Variants in ATG2B observed in about 807,000 individuals in gnomAD.
ATG2B encodes autophagy related 2B, also known as autophagy-related protein 2 homolog B.
A neutral mutation model predicts 241.3 loss-of-function variants in ATG2B; 121 were observed. The ratio of observed to expected loss-of-function variants is 0.50; its 90% CI spans 0.43 to 0.58. The LOEUF (loss-of-function observed/expected upper bound fraction) is 0.58. Ranked by LOEUF, ATG2B falls within the 20% of genes least tolerant of loss-of-function variation. ATG2B has a pLI of 0.00. For missense variants in ATG2B, 2,306 were observed against 2,491.6 expected (o/e 0.93, Z 1.59); for synonymous variants, 858 against 876.6 (o/e 0.98, Z 0.37).
In ATG2B at chr14:96,308,235, TATATATATATATATATACAC is replaced by T. The variant is rs1887019811; in HGVS notation, c.4303+1198_4303+1217del. 1.4e-4 allele frequency among the ~76,000 whole-genome samples: 3 copies of T among 22,128 alleles called. No individual in the cohort carries two copies. In the East Asian group the frequency reaches 1.9e-3, roughly 14 times the overall value. 14.5% of individuals were successfully genotyped at this position (22,128 alleles called of 152,430 possible). On this transcript the variant is annotated intron_variant, in intron 29 of 41. Coordinates refer to ENST00000359933, the MANE Select transcript of ATG2B (RefSeq NM_018036.7). ...AAATACATAAATATATATATACATA[TATATATATATATATATACAC>T]ACATATATATATATATATATATATA...
intron 25 of ATG2B, 107 bp downstream of exon 25, chr14:96,312,958 A>C (rs1887201364): frequency 3.0e-6 from 2 of 662,826 alleles, no homozygotes; most frequent in Non-Finnish European, 4.9e-6. Flanking sequence ...TATTAGTAAA[A>C]GAACGTTTAA....
chr14:96,315,320 C>T, intron 22 of ATG2B, 64 bp downstream of exon 22: 3 of 1,586,630 alleles, frequency 1.9e-6, no homozygotes, highest in Non-Finnish European at 8.6e-7. Flanking sequence ...AATATGTTGC[C>T]TTTTATGTAA....
Position 96,317,154 on chromosome 14 carries a change from T to C in ATG2B, c.3201A>G (p.Thr1067=), listed in dbSNP as rs1566723331. 1.2e-6 allele frequency: 2 copies of C among 1,610,462 alleles called. No homozygotes were observed. Among genetic ancestry groups the C allele is most frequent in the Non-Finnish European group, 8.5e-7 (1 of 1,178,516 alleles). The change falls in exon 20 of 42, where the codon ACA becomes ACG. Residue 1067 remains threonine (T), a synonymous_variant. Transcript: ENST00000359933. ...GATTTGTAAACCTCACCTTCACATC[T>C]GTGAACACTGCTATTAATCCATGAT... ...NINHGLIAVF[T]DVKQDNGDLL...
intron 36 of ATG2B, among the ~76,000 whole-genome samples, chr14:96,292,675 T>C (rs1432921033): frequency 1.3e-5 from 2 of 152,348 alleles, no homozygotes; most frequent in Middle Eastern, 3.4e-3. Context: ...ATTGTTAAAA[T>C]GCCACCTACA....
Position 96,344,623 on chromosome 14 carries a change from G to A in ATG2B, c.581+31C>T, listed in dbSNP as rs774994256. On this transcript the variant is annotated intron_variant, in intron 4 of 41. Coordinates refer to ENST00000359933, the MANE Select transcript of ATG2B (RefSeq NM_018036.7). ...AATGTAATATCAGAGTTACAATAGG[G>A]TCATTTATTTTCAGACATAAGAATT... 75 of 1,250,818 alleles carry A rather than the reference G, an allele frequency of 6.0e-5. 3 individuals are homozygous for A. In the South Asian group the frequency reaches 9.2e-4, roughly 15 times the overall value. The allele number at this position is 1,250,818 out of a possible 1,614,324, so 77.5% of individuals were successfully genotyped here.
rs1888714090 is a variant in ATG2B, at chr14:96,362,923, C to T, written c.54G>A (p.Leu18=). 2 of 1,613,498 alleles carry T rather than the reference C, an allele frequency of 1.2e-6. No individual in the cohort carries two copies. The highest frequency in any genetic ancestry group is 2.7e-5 in the African/African-American group (2 of 74,940). Reference sequence around the variant, plus strand: ...GCAGAAAGTGGCCCAGGTACCTCTGCAGGAGGTACCGGCAGGCCCTCTTCT... The same window carrying T: ...GCAGAAAGTGGCCCAGGTACCTCTGTAGGAGGTACCGGCAGGCCCTCTTCT... The part of the protein sequence containing the change: ...SIKKRACRYL[L]QRYLGHFLQE... The change falls in exon 1 of 42, where the codon CTG becomes CTA. Residue 18 remains leucine, a synonymous_variant. Coordinates refer to ENST00000359933, the MANE Select transcript of ATG2B (RefSeq NM_018036.7).
chr14:96,283,044 A>T lies in ATG2B; in HGVS notation c.*2711T>A, dbSNP rs4900321. On this transcript the variant is annotated 3_prime_UTR_variant, in exon 42 of 42. Coordinates refer to ENST00000359933, the MANE Select transcript of ATG2B (RefSeq NM_018036.7). ...GAAACACTGAGTTATCTAAAAGGCA[A>T]TGTTCAGTGGTGGGCAGAAAGGAAG... The T allele has an allele frequency of 0.36, 54,494 of 152,114 alleles. 10,324 individuals are homozygous for T. The highest frequency in any genetic ancestry group is 0.42 in the Admixed American group (6,477 of 15,286). The allele number at this position is 152,114 out of a possible 1,614,324, so 9.4% of individuals were successfully genotyped here.
At chr14:96,314,323 G>A (rs1056122110) in intron 23 of ATG2B, among the ~76,000 whole-genome samples, 5 of 152,162 alleles carry the variant, frequency 3.3e-5, no homozygotes, top group African/African-American at 1.2e-4. Flanking sequence ...ATAAGGAAAA[G>A]CTAACTTCTT....
chr14:96,317,962 C>T (rs771653091), intron 18 of ATG2B, 107 bp from the exon 19 acceptor site: 176 of 771,078 alleles, frequency 2.3e-4, no homozygotes, highest in Non-Finnish European at 3.3e-4. Flanking sequence ...ATTTTTTAAA[C>T]GGCAAAATGG....
intron 21 of ATG2B, among the ~76,000 whole-genome samples, chr14:96,315,825 T>G (rs567312091): frequency 2.0e-5 from 3 of 152,246 alleles, no homozygotes; most frequent in Admixed American, 2.0e-4. Flanking sequence ...AATAGAAAAC[T>G]ATCACAAACA....
chr14:96,304,272 C>T (rs1886871534), intron 32 of ATG2B, among the ~76,000 whole-genome samples: 1 of 152,192 alleles, frequency 6.6e-6, no homozygotes, highest in South Asian at 2.1e-4. Flanking sequence ...TGAGAACCAC[C>T]GCTCTAGCGG....
intron 8 of ATG2B, among the ~76,000 whole-genome samples, chr14:96,333,188 CAT>C (rs1221601116): frequency 2.0e-5 from 3 of 151,856 alleles, no homozygotes; most frequent in Admixed American, 2.0e-4. Flanking sequence ...TAAATTGATC[CAT>C]ATTATTTATG....
Position 96,304,615 on chromosome 14 carries a change from CA to C in ATG2B, c.4734-13del, listed in dbSNP as rs34674555. On this transcript the variant is annotated splice_polypyrimidine_tract_variant and intron_variant, in intron 31 of 41. Coordinates refer to ENST00000359933, the MANE Select transcript of ATG2B (RefSeq NM_018036.7). Reference sequence around the variant, plus strand: ...AACTGTGGGGACTACTAAAAATGAGCAAAAAAAAAAAAAACCCTTTTGTTAA... The same window carrying C: ...AACTGTGGGGACTACTAAAAATGAGCAAAAAAAAAAAAACCCTTTTGTTAA... 0.032 allele frequency: 37,435 copies of C among 1,183,534 alleles called. 6 individuals carry two copies. The highest frequency in any genetic ancestry group is 0.053 in the East Asian group (1,964 of 37,336). 73.3% of individuals were successfully genotyped at this position (1,183,534 alleles called of 1,614,324 possible).
chr14:96,332,320 G>C lies in ATG2B; in HGVS notation c.1453C>G (p.Pro485Ala). Residue 485 changes from proline (P) to alanine (A), a missense_variant, in exon 10 of 42, where the codon CCT (proline) becomes GCT (alanine). By Grantham distance (27) the Pro-to-Ala change is conservative (BLOSUM62 -1). Coordinates refer to ENST00000359933, the MANE Select transcript of ATG2B (RefSeq NM_018036.7). Reference protein sequence around the residue: ...TFPSNLVHPTPLQKTSLPSRS... With the variant: ...TFPSNLVHPTALQKTSLPSRS... ...TTTTACTTACATGTCTTCTGTAAAGGTGTTGGGTGAACTAGGTTGGATGGA... is the reference window on the plus strand; with the variant it reads ...TTTTACTTACATGTCTTCTGTAAAGCTGTTGGGTGAACTAGGTTGGATGGA... 1 of 1,612,660 alleles carries C rather than the reference G, an allele frequency of 6.2e-7. No individual in the cohort carries two copies. Among genetic ancestry groups the C allele is most frequent in the South Asian group, 1.1e-5 (1 of 91,052 alleles).
intron 6 of ATG2B, among the ~76,000 whole-genome samples, chr14:96,340,451 A>G (rs998580491): frequency 3.3e-5 from 5 of 152,124 alleles, no homozygotes; most frequent in African/African-American, 9.7e-5. Flanking sequence ...GCCAAGCACA[A>G]AAAGATAACG....
chr14:96,293,615 C>G (rs1316164712), intron 36 of ATG2B, among the ~76,000 whole-genome samples: 1 of 152,170 alleles, frequency 6.6e-6, no homozygotes, highest in Non-Finnish European at 1.5e-5. Context: ...GCCTTGGCCA[C>G]GAACTGTGGT....
chr14:96,307,848 G>C (rs969627982), intron 29 of ATG2B, among the ~76,000 whole-genome samples: 10 of 152,122 alleles, frequency 6.6e-5, no homozygotes, highest in African/African-American at 2.2e-4. Context: ...ACCAAAATCT[G>C]CATGTCAACA....
At chr14:96,288,261 T>G (rs193183380) in intron 41 of ATG2B, among the ~76,000 whole-genome samples, 69 of 152,332 alleles carry the variant, frequency 4.5e-4, no homozygotes, top group African/African-American at 1.5e-3. Context: ...ATTAGAAATA[T>G]CGCCTATCTC....
At chr14:96,362,363 G>A (rs1595340661) in intron 1 of ATG2B, among the ~76,000 whole-genome samples, 1 of 152,150 alleles carries the variant, frequency 6.6e-6, no homozygotes, top group Non-Finnish European at 1.5e-5. Context: ...GGCAAACATG[G>A]TGCGCAAGCA....
Sources: allele counts gnomAD v4.1 joint callset (sites outside exome capture counted in the v4.1 genomes callset), GRCh38; gene constraint gnomAD v4.1.1; transcripts MANE v1.5; gene names NCBI Gene and HGNC (gene_info 2026-07-23, HGNC 2026-07-21).